TRPC7: variants seen among roughly 807,000 people sequenced by gnomAD.
TRPC7 encodes short transient receptor potential channel 7.
In TRPC7, 42 loss-of-function variants were observed where a neutral mutation model predicts 90.1. That is an observed-to-expected ratio of 0.47 (90% CI 0.36 to 0.60). TRPC7 has a LOEUF of 0.60. TRPC7 is among the 20% of genes least tolerant of loss of function. The pLI is 0.00. For missense variants in TRPC7, 955 were observed against 1,112.3 expected (o/e 0.86, Z 2.01); for synonymous variants, 451 against 436.3 (o/e 1.03, Z -0.42).
chr5:136,333,800 T>C (rs1029068299), intron 2 of TRPC7, among the ~76,000 whole-genome samples: 1 of 152,254 alleles, frequency 6.6e-6, no homozygotes, highest in Non-Finnish European at 1.5e-5. Context: ...TTTCCTAACA[T>C]GTTAATGTCT....
At chr5:136,278,362 C>G (rs1254429877) in intron 3 of TRPC7, among the ~76,000 whole-genome samples, 1 of 152,226 alleles carries the variant, frequency 6.6e-6, no homozygotes, top group Non-Finnish European at 1.5e-5. Flanking sequence ...CTGGTGCCAT[C>G]CACAGGACCA....
chr5:136,322,568 T>G (rs561253628), intron 2 of TRPC7, among the ~76,000 whole-genome samples: 1 of 152,230 alleles, frequency 6.6e-6, no homozygotes, highest in South Asian at 2.1e-4. Flanking sequence ...GAGTTGGGTC[T>G]CACTATATTG....
At chr5:136,324,298 G>A (rs925419291) in intron 2 of TRPC7, among the ~76,000 whole-genome samples, 1 of 152,072 alleles carries the variant, frequency 6.6e-6, no homozygotes, top group Non-Finnish European at 1.5e-5. Context: ...GTGAGAAAAT[G>A]CTCAGAAATG....
At chr5:136,268,295 G>A (rs1009863660) in intron 4 of TRPC7, among the ~76,000 whole-genome samples, 9 of 151,684 alleles carry the variant, frequency 5.9e-5, no homozygotes, top group Admixed American at 4.6e-4. Context: ...GGTGATGGGA[G>A]ATGGAGAATG....
chr5:136,292,869 G>T (rs1184603692), intron 3 of TRPC7, among the ~76,000 whole-genome samples: 2 of 152,150 alleles, frequency 1.3e-5, no homozygotes, highest in Non-Finnish European at 2.9e-5. Context: ...CAATATCCTT[G>T]ATGAACATTG....
At chr5:136,322,958 A>G (rs1213026492) in intron 2 of TRPC7, among the ~76,000 whole-genome samples, 3 of 152,168 alleles carry the variant, frequency 2.0e-5, no homozygotes, top group African/African-American at 4.8e-5. Context: ...TAGTTCAGAG[A>G]GCAAACATTT....
At chr5:136,266,523 A>C in intron 4 of TRPC7, 87 bp from the exon 5 acceptor site, 1 of 1,189,324 alleles carries the variant, frequency 8.4e-7, no homozygotes, top group Non-Finnish European at 1.2e-6. Context: ...ACCAAAGTTT[A>C]ACCAGAGAAT....
intron 2 of TRPC7, among the ~76,000 whole-genome samples, chr5:136,330,236 A>C (rs1759460853): frequency 6.6e-6 from 1 of 152,242 alleles, no homozygotes; most frequent in African/African-American, 2.4e-5. Flanking sequence ...AAATATTAAA[A>C]GATATAACTA....
rs917748464 is a variant in TRPC7 at position 136,274,918 on chromosome 5, G to A, written c.964-81C>T. The stretch of plus-strand genomic sequence containing the variant: ...AGCACTTGAACAGTATACAACCTAG[G>A]AGTAGCTGGGGGCTGAAATGCTCCA... On this transcript the variant is annotated intron_variant, in intron 3 of 11. Transcript: ENST00000513104. 7 of 1,443,038 alleles carry A rather than the reference G, an allele frequency of 4.9e-6. No individual in the cohort carries two copies. In the African/African-American group the frequency reaches 1.0e-4, roughly 21 times the overall value. The allele number at this position is 1,443,038 out of a possible 1,614,324, so 89.4% of individuals were successfully genotyped here.
intron 9 of TRPC7, 105 bp from the exon 10 acceptor site, chr5:136,225,459 T>G (rs1330201978): frequency 1.8e-6 from 2 of 1,123,718 alleles, no homozygotes; most frequent in East Asian, 5.2e-5. Context: ...GCTGTCTCAG[T>G]GAAGCAGCTT....
chr5:136,236,321 T>C (rs75773054), intron 7 of TRPC7, among the ~76,000 whole-genome samples: 2,328 of 152,258 alleles, frequency 0.015, 47 homozygotes, highest in African/African-American at 0.046. Context: ...CTGCACAGGG[T>C]TGAATGGAGT....
chr5:136,247,613 G>A lies in TRPC7; in HGVS notation c.1702C>T (p.Leu568=), dbSNP rs755607723. 8.1e-6 allele frequency: 13 copies of A among 1,614,006 alleles called. No individual in the cohort carries two copies. The highest frequency in any genetic ancestry group is 1.1e-5 in the Non-Finnish European group (13 of 1,179,896). ...ILPANESFGP[L]QISLGRTVKD... ...ACAGTTCTCCCTAGCGAGATCTGCA[G>A]GGGCCCAAAACTCTCGTTGGCTGGC... is the stretch of plus-strand genomic sequence containing the variant. Residue 568 remains leucine, a synonymous_variant, in exon 7 of 12, where the codon CTG becomes TTG. Coordinates refer to ENST00000513104, the MANE Select transcript of TRPC7 (RefSeq NM_020389.3). The surrounding 1 kb of genome is among the most constrained non-coding windows in gnomAD (Gnocchi z 4.2).
At chr5:136,315,920 G>A (rs1759007647) in intron 2 of TRPC7, 141 bp from the exon 3 acceptor site, 1 of 802,446 alleles carries the variant, frequency 1.2e-6, no homozygotes, top group Non-Finnish European at 2.0e-6. Flanking sequence ...AACGCAGCAG[G>A]ATGTGCTGGG....
At chr5:136,256,561 A>C (rs1756693032) in intron 5 of TRPC7, among the ~76,000 whole-genome samples, 1 of 143,502 alleles carries the variant, frequency 7.0e-6, no homozygotes, top group African/African-American at 2.6e-5. Flanking sequence ...CCACTCTTGC[A>C]CCCCTGACTC....
chr5:136,350,294 G>T (rs1056804133), intron 2 of TRPC7, among the ~76,000 whole-genome samples: 1 of 152,274 alleles, frequency 6.6e-6, no homozygotes, highest in South Asian at 2.1e-4. Context: ...CAACCTCCTC[G>T]CTGTCCACTT....
chr5:136,224,317 G>A (rs138290808), intron 10 of TRPC7, among the ~76,000 whole-genome samples: 2 of 152,286 alleles, frequency 1.3e-5, no homozygotes, highest in East Asian at 1.9e-4. Context: ...TGATCCAAAC[G>A]GATACAGAGA....
intron 7 of TRPC7, among the ~76,000 whole-genome samples, chr5:136,233,718 CT>C (rs1371423455): frequency 6.6e-6 from 1 of 152,230 alleles, no homozygotes; most frequent in Non-Finnish European, 1.5e-5. Flanking sequence ...CCAAATTCAT[CT>C]TCCCTTTCTT....
At chr5:136,299,340 C>CGTGTGTGT (rs529330866) in intron 3 of TRPC7, among the ~76,000 whole-genome samples, 38 of 122,722 alleles carry the variant, frequency 3.1e-4, no homozygotes, top group Non-Finnish European at 6.0e-4. Context: ...GGGGTGTGTG[C>CGTGTGTGT]GTGTGTGTGT....
intron 4 of TRPC7, among the ~76,000 whole-genome samples, chr5:136,268,243 A>G (rs1757100016): frequency 6.6e-6 from 1 of 152,098 alleles, no homozygotes; most frequent in Non-Finnish European, 1.5e-5. Context: ...TAGTCATCAC[A>G]TTGTTTCTTG....
Sources: allele counts gnomAD v4.1 joint callset (sites outside exome capture counted in the v4.1 genomes callset), GRCh38; gene constraint gnomAD v4.1.1; non-coding constraint Gnocchi (gnomAD v3.1); transcripts MANE v1.5; gene names NCBI Gene and HGNC (gene_info 2026-07-23, HGNC 2026-07-21).